The following ISM1 variants were observed in gnomAD, a reference collection of about 807,000 sequenced individuals.
The protein encoded by ISM1 is isthmin-1.
A neutral mutation model predicts 46.3 loss-of-function variants in ISM1; 25 were observed. That is an observed-to-expected ratio of 0.54 (90% CI 0.39 to 0.75). ISM1 has a LOEUF of 0.75. Ranked by LOEUF, ISM1 falls within the 30% of genes least tolerant of loss-of-function variation. The pLI is 0.00. For missense variants in ISM1, 536 were observed against 625.4 expected (o/e 0.86, Z 1.52); for synonymous variants, 255 against 256.7 (o/e 0.99, Z 0.06).
Position 13,268,121 on chromosome 20 carries a change from CTTCTCTTCT to C in ISM1, c.139-2382_139-2374del, listed in dbSNP as rs1335702905. On this transcript the variant is annotated intron_variant, in intron 1 of 5. Coordinates refer to ENST00000262487, the MANE Select transcript of ISM1 (RefSeq NM_080826.2). ...TGCTCTCTCTCCTCTCCTGTCTTCT[CTTCTCTTCT>C]CTTCTCTTCTCTTCTCTTCTCTTCC... Among the ~76,000 whole-genome samples, 3 of 119,346 alleles carry C rather than the reference CTTCTCTTCT, an allele frequency of 2.5e-5. No individual in the cohort carries two copies. In the Admixed American group the frequency reaches 2.7e-4, roughly 11 times the overall value. 78.3% of individuals were successfully genotyped at this position (119,346 alleles called of 152,430 possible).
At chr20:13,312,711 T>A in the ISM1 span, among the ~76,000 whole-genome samples, 1 of 152,064 alleles carries the variant, frequency 6.6e-6, no homozygotes, top group African/African-American at 2.4e-5. Context: ...GGCTCCCACC[T>A]CCAGCTGAAA....
At chr20:13,242,228 C>T (rs1175254826) in intron 1 of ISM1, among the ~76,000 whole-genome samples, 1 of 151,952 alleles carries the variant, frequency 6.6e-6, no homozygotes, top group African/African-American at 2.4e-5. Context: ...TTGAAGTCAC[C>T]AAAAAGGACA....
In ISM1 at chr20:13,292,367, T is replaced by C. The variant is rs765364246; in HGVS notation, c.788-7T>C. 6.3e-7 allele frequency: 1 copy of C among 1,580,670 alleles called. No homozygotes were observed. Among genetic ancestry groups the C allele is most frequent in the East Asian group, 2.3e-5 (1 of 44,330 alleles). On this transcript the variant is annotated splice_region_variant and splice_polypyrimidine_tract_variant and intron_variant, in intron 4 of 5. Transcript: ENST00000262487. ...TGATGGAAAAATGAGCTCTTGTCTGTGTTTAGGAATTGAAGACACTTTTAG... is the reference window on the plus strand; with the variant it reads ...TGATGGAAAAATGAGCTCTTGTCTGCGTTTAGGAATTGAAGACACTTTTAG...
the ISM1 span, among the ~76,000 whole-genome samples, chr20:13,317,738 T>G: frequency 6.6e-6 from 1 of 152,102 alleles, no homozygotes. Flanking sequence ...AGCATTCACA[T>G]GCAAAACAAA....
At chr20:13,282,147 T>G (rs1403887783) in intron 3 of ISM1, among the ~76,000 whole-genome samples, 2 of 150,598 alleles carry the variant, frequency 1.3e-5, no homozygotes, top group Non-Finnish European at 1.5e-5. Flanking sequence ...ACCTGGGGAA[T>G]TTTTTTTTCA....
chr20:13,259,895 T>C (rs934763269), intron 1 of ISM1, among the ~76,000 whole-genome samples: 7 of 152,228 alleles, frequency 4.6e-5, no homozygotes, highest in Non-Finnish European at 1.0e-4. Context: ...TTTGGAAAAG[T>C]TGTCTTAACA....
At chr20:13,286,994 G>A (rs989687423) in intron 3 of ISM1, among the ~76,000 whole-genome samples, 5 of 152,322 alleles carry the variant, frequency 3.3e-5, no homozygotes, top group South Asian at 2.1e-4. Flanking sequence ...AAAGAATCAC[G>A]CTTTAGAGAG....
At chr20:13,226,119 A>G (rs2039522049) in intron 1 of ISM1, among the ~76,000 whole-genome samples, 1 of 152,202 alleles carries the variant, frequency 6.6e-6, no homozygotes, top group Non-Finnish European at 1.5e-5. Flanking sequence ...TATTTTTACA[A>G]TAACATTAAA....
chr20:13,243,737 T>G (rs771901662), intron 1 of ISM1, among the ~76,000 whole-genome samples: 2 of 152,250 alleles, frequency 1.3e-5, no homozygotes, highest in Non-Finnish European at 2.9e-5. Context: ...TCCATCACCG[T>G]TAAGCATCTG....
At chr20:13,293,777 C>A (rs2123323820) in intron 5 of ISM1, among the ~76,000 whole-genome samples, 1 of 152,182 alleles carries the variant, frequency 6.6e-6, no homozygotes, top group Middle Eastern at 3.4e-3. Context: ...AGTTTGAGAC[C>A]AGCCTGGCCA....
intron 1 of ISM1, among the ~76,000 whole-genome samples, chr20:13,262,642 G>A (rs2040000824): frequency 6.6e-6 from 1 of 152,148 alleles, no homozygotes; most frequent in East Asian, 1.9e-4. Context: ...AATGGAGAAA[G>A]CACAACTTGA....
intron 1 of ISM1, among the ~76,000 whole-genome samples, chr20:13,253,066 C>T (rs962212566): frequency 1.3e-5 from 2 of 152,036 alleles, no homozygotes; most frequent in South Asian, 2.1e-4. Context: ...AGACACACAG[C>T]GAGGGAGAAA....
chr20:13,299,459 A>G lies in ISM1; in HGVS notation c.1395A>G (p.Ter465=), dbSNP rs552362464. The G allele has an allele frequency of 8.6e-5, 137 of 1,592,580 alleles. 1 individual carries two copies. In the South Asian group the frequency reaches 1.1e-3, roughly 13 times the overall value. The change falls in exon 6 of 6, where the codon TAA becomes TAG. Residue 465 remains the stop codon, a stop_retained_variant. Transcript: ENST00000262487. This position sits in a 1 kb window ranked among gnomAD's most constrained non-coding sequence, Gnocchi z 5.8. ...AGTTCCAAGAGGCCAGGGAATATTA[A>G]AGAGACTGGGATGAGGTGGAGGACG... ...IKQFQEAREY[*] is the part of the protein sequence containing the mutation.
intron 1 of ISM1, among the ~76,000 whole-genome samples, chr20:13,255,356 A>T (rs2039915351): frequency 6.6e-6 from 1 of 152,246 alleles, no homozygotes; most frequent in Non-Finnish European, 1.5e-5. Flanking sequence ...ACCCCATTGT[A>T]CAGTTGAGTT....
Position 13,270,526 on chromosome 20 carries a change from A to G in ISM1, c.161A>G (p.Asp54Gly). The G allele has an allele frequency of 6.2e-7, 1 of 1,613,518 alleles. No individual in the cohort carries two copies. The highest frequency in any genetic ancestry group is 8.5e-7 in the Non-Finnish European group (1 of 1,179,738). Residue 54 changes from aspartate (D) to glycine (G), a missense_variant, in exon 2 of 6, where the codon GAC becomes GGC. Coordinates refer to ENST00000262487, the MANE Select transcript of ISM1 (RefSeq NM_080826.2). Reference protein sequence around the residue: ...QLQNNLNVGSDTTSETSFSLS... With the variant: ...QLQNNLNVGSGTTSETSFSLS... Reference sequence around the variant, plus strand: ...TAGAATAACCTCAACGTGGGAAGTGACACCACATCAGAAACCAGCTTTTCT... The same window carrying G: ...TAGAATAACCTCAACGTGGGAAGTGGCACCACATCAGAAACCAGCTTTTCT...
At chr20:13,309,294 A>G in the ISM1 span, among the ~76,000 whole-genome samples, 1 of 152,076 alleles carries the variant, frequency 6.6e-6, no homozygotes, top group Non-Finnish European at 1.5e-5. Flanking sequence ...TTTAAAAAAA[A>G]AAAGCCTAAC....
intron 1 of ISM1, among the ~76,000 whole-genome samples, chr20:13,264,202 G>C (rs1329719970): frequency 2.0e-5 from 3 of 152,180 alleles, no homozygotes; most frequent in Non-Finnish European, 4.4e-5. Flanking sequence ...AAATTTGCCA[G>C]CCAGTCTGCC....
chr20:13,292,429 CGAG>C lies in ISM1; in HGVS notation c.847_849del (p.Glu283del). The C allele has an allele frequency of 1.2e-6, 2 of 1,605,576 alleles. No individual in the cohort carries two copies. The highest frequency in any genetic ancestry group is 1.7e-6 in the Non-Finnish European group (2 of 1,175,776). ...CCGAAGTGAGTCTGCTTGCGGGAAGCGAGGAGTTTAATGCCACCAAACTGTTTG... is the reference window on the plus strand; with the variant it reads ...CCGAAGTGAGTCTGCTTGCGGGAAGCGAGTTTAATGCCACCAAACTGTTTG... On this transcript the variant is annotated inframe_deletion, in exon 5 of 6. Transcript: ENST00000262487.
At chr20:13,235,113 A>G (rs576434780) in intron 1 of ISM1, among the ~76,000 whole-genome samples, 2 of 152,350 alleles carry the variant, frequency 1.3e-5, no homozygotes, top group South Asian at 2.1e-4. Flanking sequence ...AATTATAAGC[A>G]TGTACTCTCA....
Sources: gnomAD v4.1 joint callset for allele counts (sites outside exome capture counted in the v4.1 genomes callset) on GRCh38, gnomAD v4.1.1 for gene constraint, Gnocchi (gnomAD v3.1) non-coding constraint, MANE v1.5 for transcripts, NCBI Gene and HGNC (gene_info 2026-07-23, HGNC 2026-07-21) for gene names.